The following PCDHGA4 variants were observed in gnomAD, a reference collection of about 807,000 sequenced individuals.
PCDHGA4 encodes protocadherin gamma subfamily A, 4.
PCDHGA4 carries 38 observed loss-of-function variants against 54.6 expected under a neutral mutation model. The ratio of observed to expected loss-of-function variants is 0.70; its 90% CI spans 0.54 to 0.91. PCDHGA4 has a LOEUF of 0.91. Ranked by LOEUF, PCDHGA4 falls within the 40% of genes least tolerant of loss-of-function variation. The pLI is 0.00. For synonymous variants in PCDHGA4, 511 were observed against 512.9 expected, an observed-to-expected ratio of 1.00 and a Z score of 0.05; for missense variants, 1,298 against 1,220.9, an observed-to-expected ratio of 1.06 and a Z score of -0.94.
chr5:141,431,476 A>G lies in PCDHGA4; in HGVS notation c.2515-63331A>G, dbSNP rs975772031. 1.9e-6 allele frequency: 3 copies of G among 1,613,864 alleles called. No homozygotes were observed. Among genetic ancestry groups the G allele is most frequent in the Admixed American group, 3.3e-5 (2 of 60,032 alleles). ...TGGTTCTGGATGCGAACGACAACGC[A>G]CCAGCGTTTGCTCAGCCCGAGTACC... On this transcript the variant is annotated intron_variant, in intron 1 of 3. Coordinates refer to ENST00000571252, the MANE Select transcript of PCDHGA4 (RefSeq NM_018917.4). This position sits in a 1 kb window ranked among gnomAD's most constrained non-coding sequence, Gnocchi z 4.8.
chr5:141,371,135 C>T (rs779737022), intron 1 of PCDHGA4: 9 of 1,614,012 alleles, frequency 5.6e-6, no homozygotes, highest in Non-Finnish European at 7.6e-6. Flanking sequence ...AGGACATGTA[C>T]AGGGTCAATG....
At chr5:141,409,148 A>C (rs2154541051) in intron 1 of PCDHGA4, 1 of 1,614,056 alleles carries the variant, frequency 6.2e-7, no homozygotes. Context: ...AGAAAGGTAC[A>C]CCATGGAAGT....
At chr5:141,364,863 T>C in intron 1 of PCDHGA4, 2 of 1,613,952 alleles carry the variant, frequency 1.2e-6, no homozygotes, top group Non-Finnish European at 1.7e-6. Context: ...AATCTGCACT[T>C]CTCTCTGGAT....
intron 3 of PCDHGA4, among the ~76,000 whole-genome samples, chr5:141,506,473 G>A (rs976701500): frequency 2.7e-4 from 40 of 150,506 alleles, no homozygotes; most frequent in Admixed American, 1.5e-3. Flanking sequence ...AAAGAGCACA[G>A]GCTTTAGAGG....
chr5:141,384,366 T>A (rs573164893), intron 1 of PCDHGA4: 1 of 1,613,896 alleles, frequency 6.2e-7, no homozygotes, highest in Non-Finnish European at 8.5e-7. Context: ...AGATCACTTA[T>A]TCCTTGGCCG....
intron 1 of PCDHGA4, chr5:141,392,938 G>T: frequency 6.2e-7 from 1 of 1,613,954 alleles, no homozygotes; most frequent in Non-Finnish European, 8.5e-7. Flanking sequence ...ACGGACAAAG[G>T]CTCCTTCGTG....
chr5:141,421,833 C>T (rs1364245594), intron 1 of PCDHGA4: 6 of 1,613,756 alleles, frequency 3.7e-6, no homozygotes, highest in Non-Finnish European at 4.2e-6. Flanking sequence ...GAAGCCTGGA[C>T]CGAGAGAAAG....
intron 1 of PCDHGA4, among the ~76,000 whole-genome samples, chr5:141,381,134 C>T (rs1034042035): frequency 2.0e-5 from 3 of 152,196 alleles, no homozygotes; most frequent in African/African-American, 7.2e-5. Context: ...GGAGCAATGC[C>T]ACCAGAAAGC....
Position 141,356,869 on chromosome 5 carries a change from G to T in PCDHGA4, c.1762G>T (p.Asp588Tyr). The T allele has an allele frequency of 6.2e-7, 1 of 1,614,182 alleles. No homozygotes were observed. The highest frequency in any genetic ancestry group is 8.5e-7 in the Non-Finnish European group (1 of 1,180,026). The change falls in exon 1 of 4, where the codon GAC becomes TAC. Residue 588 changes from aspartate (D) to tyrosine (Y), a missense_variant. Coordinates refer to ENST00000571252, the MANE Select transcript of PCDHGA4 (RefSeq NM_018917.4). ...GAGCCTCTTTGTGCTGGACCAGAAC[G>T]ACAATGTCCCTGAGATCCTGTACCC... is the stretch of plus-strand genomic sequence containing the variant. ...SLSLFVLDQN[D>Y]NVPEILYPTF...
At chr5:141,421,985 C>A (rs762388624) in intron 1 of PCDHGA4, 1 of 1,608,432 alleles carries the variant, frequency 6.2e-7, no homozygotes, top group East Asian at 2.2e-5. Flanking sequence ...GTGAGTGTTC[C>A]AGAAAACATC....
At position 141,427,779 on chromosome 5, in the gene PCDHGA4, C is replaced by T. The variant is rs1196661076; in HGVS notation, c.2515-67028C>T. On this transcript the variant is annotated intron_variant, in intron 1 of 3. Transcript: ENST00000571252. Reference sequence around the variant, plus strand: ...TACCACTGACTTGGAGCTGCGGGCACTGTCGTCCTACGTGTCCGTGAGCGC... The same window carrying T: ...TACCACTGACTTGGAGCTGCGGGCATTGTCGTCCTACGTGTCCGTGAGCGC... 2.1e-6 allele frequency: 3 copies of T among 1,454,498 alleles called. No individual in the cohort carries two copies. The East Asian group carries it at 6.8e-5, about 33-fold the overall frequency. The allele number at this position is 1,454,498 out of a possible 1,614,324, so 90.1% of individuals were successfully genotyped here. A position where few individuals can be genotyped will look rare whatever the true frequency, so the allele number is the denominator to read the frequency against.
At chr5:141,430,100 C>T (rs6874907) in intron 1 of PCDHGA4, among the ~76,000 whole-genome samples, 7,606 of 152,160 alleles carry the variant, frequency 0.05, 372 homozygotes, top group African/African-American at 0.13. Context: ...GATTTTTAAG[C>T]GTTACATGTC....
At chr5:141,500,152 A>C (rs1301287171) in intron 2 of PCDHGA4, among the ~76,000 whole-genome samples, 1 of 151,610 alleles carries the variant, frequency 6.6e-6, no homozygotes, top group African/African-American at 2.4e-5. Flanking sequence ...TTCTTTGTGT[A>C]ATCAAAGAAC....
chr5:141,477,878 C>A lies in PCDHGA4; in HGVS notation c.2515-16929C>A. ...GCTGCCTCGAGGTACCTCAGCTGGC[C>A]ACCTAGTGTCACGGGTGGTAGGCTG... is the stretch of plus-strand genomic sequence containing the variant. On this transcript the variant is annotated intron_variant, in intron 1 of 3. Transcript: ENST00000571252. The surrounding 1 kb of genome is among the most constrained non-coding windows in gnomAD (Gnocchi z 4.9). 1.2e-6 allele frequency: 2 copies of A among 1,614,158 alleles called. No individual in the cohort carries two copies. Among genetic ancestry groups the A allele is most frequent in the Non-Finnish European group, 1.7e-6 (2 of 1,180,008 alleles).
intron 1 of PCDHGA4, chr5:141,395,576 G>A: frequency 4.2e-6 from 1 of 237,360 alleles, no homozygotes; most frequent in Non-Finnish European, 8.1e-6. Flanking sequence ...GTGTGTGTGT[G>A]TGTGTGTGTG....
chr5:141,485,278 C>T lies in PCDHGA4; in HGVS notation c.2515-9529C>T. On this transcript the variant is annotated intron_variant, in intron 1 of 3. Transcript: ENST00000571252. The surrounding 1 kb of genome is among the most constrained non-coding windows in gnomAD (Gnocchi z 5.7). ...TTTGTGGGCAGATCCGCTACCCGGTCCCAGAGGAGTCACAGGAAGGGACTT... is the reference window on the plus strand; with the variant it reads ...TTTGTGGGCAGATCCGCTACCCGGTTCCAGAGGAGTCACAGGAAGGGACTT... 1 of 1,614,064 alleles carries T rather than the reference C, an allele frequency of 6.2e-7. No homozygotes were observed. The highest frequency in any genetic ancestry group is 1.1e-5 in the South Asian group (1 of 91,080).
intron 1 of PCDHGA4, among the ~76,000 whole-genome samples, chr5:141,468,041 T>C (rs972340736): frequency 4.6e-5 from 7 of 152,120 alleles, no homozygotes; most frequent in Admixed American, 3.9e-4. Flanking sequence ...TTTAGAAAAC[T>C]AAGCCGGGCA....
chr5:141,422,030 C>G, intron 1 of PCDHGA4: 1 of 1,609,592 alleles, frequency 6.2e-7, no homozygotes, highest in African/African-American at 1.3e-5. Flanking sequence ...GTTAATGCAA[C>G]GGATCCAGAC....
At position 141,410,475 on chromosome 5, in the gene PCDHGA4, A is replaced by G. The variant is rs185995562; in HGVS notation, c.2514+52854A>G. ...TATTCTTATAATCTGTGCATTGCAC[A>G]TACGGGTACAAAAGAGTTTAATTTC... is the stretch of plus-strand genomic sequence containing the variant. On this transcript the variant is annotated intron_variant, in intron 1 of 3. Transcript: ENST00000571252. The G allele has an allele frequency of 3.7e-6, 6 of 1,614,052 alleles. No homozygotes were observed. In the South Asian group the frequency reaches 6.6e-5, roughly 18 times the overall value.
Sources: gnomAD v4.1 joint callset for allele counts (sites outside exome capture counted in the v4.1 genomes callset) on GRCh38, gnomAD v4.1.1 for gene constraint, Gnocchi (gnomAD v3.1) non-coding constraint, MANE v1.5 for transcripts, NCBI Gene and HGNC (gene_info 2026-07-23, HGNC 2026-07-21) for gene names.